The following PPP1R9A variants were observed in gnomAD, a reference collection of about 807,000 sequenced individuals.
The protein encoded by PPP1R9A is neurabin-1.
In PPP1R9A, 59 loss-of-function variants were observed where a neutral mutation model predicts 141.9. That is an observed-to-expected ratio of 0.42 (90% CI 0.34 to 0.52). PPP1R9A has a LOEUF of 0.52. Among genes scored for constraint, PPP1R9A ranks in the 20% least tolerant of loss-of-function variants. PPP1R9A has a pLI of 0.10. For synonymous variants in PPP1R9A, 500 were observed against 569.7 expected, an observed-to-expected ratio of 0.88 and a Z score of 1.74; for missense variants, 1,444 against 1,611.9, an observed-to-expected ratio of 0.90 and a Z score of 1.78.
intron 2 of PPP1R9A, among the ~76,000 whole-genome samples, chr7:95,044,668 C>G (rs1398641980): frequency 2.0e-5 from 3 of 148,022 alleles, no homozygotes; most frequent in African/African-American, 7.4e-5. Flanking sequence ...ACTCTGCCTC[C>G]CAAAGTGTTG....
Position 95,295,663 on chromosome 7 carries a change from C to G in PPP1R9A, c.*5360C>G, listed in dbSNP as rs940657140. ...AGTGTATGTTGTTGGAAGGTGTACA[C>G]TTCTGTTTCTTTCAGCTGTATTATT... On this transcript the variant is annotated 3_prime_UTR_variant, in exon 20 of 20. Coordinates refer to ENST00000433360, the MANE Select transcript of PPP1R9A (RefSeq NM_001166160.2). The G allele has an allele frequency of 2.0e-5, 3 of 152,224 alleles. No homozygotes were observed. The highest frequency in any genetic ancestry group is 7.2e-5 in the African/African-American group (3 of 41,464). The allele number at this position is 152,224 out of a possible 1,614,324, so 9.4% of individuals were successfully genotyped here.
At chr7:94,919,300 CATTTTTTT>C in intron 2 of PPP1R9A, among the ~76,000 whole-genome samples, 1 of 120,184 alleles carries the variant, frequency 8.3e-6, no homozygotes, top group Admixed American at 8.8e-5. Flanking sequence ...TGGATAATTA[CATTTTTTT>C]TTTTTTTTTT....
At chr7:94,980,691 C>T (rs1224413923) in intron 2 of PPP1R9A, among the ~76,000 whole-genome samples, 1 of 151,182 alleles carries the variant, frequency 6.6e-6, no homozygotes, top group Non-Finnish European at 1.5e-5. Context: ...TTTGAAAAAT[C>T]CTGGCCTACC....
chr7:95,196,111 A>G (rs1395464117), intron 5 of PPP1R9A, among the ~76,000 whole-genome samples: 1 of 151,996 alleles, frequency 6.6e-6, no homozygotes, highest in Non-Finnish European at 1.5e-5. Flanking sequence ...TTTTGTCTAT[A>G]AAGAACAATT....
At chr7:94,964,377 A>G (rs1008476029) in intron 2 of PPP1R9A, among the ~76,000 whole-genome samples, 1 of 152,136 alleles carries the variant, frequency 6.6e-6, no homozygotes, top group African/African-American at 2.4e-5. Flanking sequence ...TCTGGGATAC[A>G]TGTGCAGAAT....
rs1835138199 is a variant in PPP1R9A, at chr7:95,189,432, TC to T, written c.1755-8916del. Among the ~76,000 whole-genome samples, 4 of 145,610 alleles carry T rather than the reference TC, an allele frequency of 2.7e-5. No homozygotes were observed. In the South Asian group the frequency reaches 8.5e-4, roughly 31 times the overall value. On this transcript the variant is annotated intron_variant, in intron 5 of 19. Transcript: ENST00000433360. ...TAAATTTTTTGGAGGGTTTGTTTAT[TC>T]TTTTTTTTTTTTTTTTTTTTTGAGA...
chr7:94,949,149 T>C (rs1299290996), intron 2 of PPP1R9A, among the ~76,000 whole-genome samples: 2 of 152,170 alleles, frequency 1.3e-5, no homozygotes, highest in Admixed American at 6.6e-5. Context: ...TTTTGATTAG[T>C]CTAAGCAGAG....
At chr7:95,108,311 T>C (rs1294437840) in intron 2 of PPP1R9A, among the ~76,000 whole-genome samples, 2 of 118,694 alleles carry the variant, frequency 1.7e-5, no homozygotes, top group African/African-American at 3.3e-5. Flanking sequence ...TCTTTTCTTT[T>C]TTTTTTTTTT....
chr7:94,910,714 A>G lies in PPP1R9A; in HGVS notation c.601A>G (p.Thr201Ala), dbSNP rs764925314. 1.1e-5 allele frequency: 17 copies of G among 1,614,016 alleles called. No individual in the cohort carries two copies. The highest frequency in any genetic ancestry group is 8.9e-5 in the East Asian group (4 of 44,892). ...CTCCCGAACTGAGGCTGTCTCCCCA[A>G]CTGTGAGTCAACTGAGTGCAGTATT... ...LSSRTEAVSP[T>A]VSQLSAVFEN... The change falls in exon 2 of 20, where the codon ACT (threonine) becomes GCT (alanine). Residue 201 changes from threonine to alanine, a missense_variant. Around this residue, in one of 5 missense-constraint regions of PPP1R9A, gnomAD observed 490 missense variants for 521.1 expected, o/e 0.94. Coordinates refer to ENST00000433360, the MANE Select transcript of PPP1R9A (RefSeq NM_001166160.2). The surrounding 1 kb of genome is among the most constrained non-coding windows in gnomAD (Gnocchi z 4.5).
intron 6 of PPP1R9A, chr7:95,202,544 CTT>C: frequency 1.2e-6 from 1 of 801,326 alleles, no homozygotes; most frequent in Non-Finnish European, 1.5e-6. Context: ...CTTTCTTTCT[CTT>C]TTCTTTTTTT....
intron 2 of PPP1R9A, among the ~76,000 whole-genome samples, chr7:94,989,604 A>T (rs902073619): frequency 2.0e-5 from 3 of 151,604 alleles, no homozygotes; most frequent in Admixed American, 6.6e-5. Context: ...TCTTGAGTGC[A>T]CTGTCATCTT....
At position 94,923,265 on chromosome 7, in the gene PPP1R9A, A is replaced by G. The variant is rs146985056; in HGVS notation, c.1395+11757A>G. On this transcript the variant is annotated intron_variant, in intron 2 of 19. Coordinates refer to ENST00000433360, the MANE Select transcript of PPP1R9A (RefSeq NM_001166160.2). ...GATATTCTAATGTGTTACTTAAAAT[A>G]TGCTTTCAAACACTGGGTATAATGA... is the stretch of plus-strand genomic sequence containing the variant. Among the ~76,000 whole-genome samples, 35 of 152,368 alleles carry G rather than the reference A, an allele frequency of 2.3e-4. No individual in the cohort carries two copies. The East Asian group carries it at 5.8e-3, about 25-fold the overall frequency.
intron 2 of PPP1R9A, among the ~76,000 whole-genome samples, chr7:94,991,533 A>G (rs1314677519): frequency 6.6e-6 from 1 of 151,848 alleles, no homozygotes; most frequent in African/African-American, 2.4e-5. Context: ...TTAGTTTAAT[A>G]TAGTCCCATT....
At chr7:95,221,477 A>C (rs1318716893) in intron 7 of PPP1R9A, among the ~76,000 whole-genome samples, 1 of 152,052 alleles carries the variant, frequency 6.6e-6, no homozygotes, top group African/African-American at 2.4e-5. Flanking sequence ...TATAGCTCTC[A>C]TGAGTGTCCC....
intron 2 of PPP1R9A, among the ~76,000 whole-genome samples, chr7:94,952,483 G>C (rs976089231): frequency 2.0e-5 from 3 of 152,150 alleles, no homozygotes; most frequent in African/African-American, 7.2e-5. Context: ...TAATGAGATT[G>C]CTGAGTCAAA....
At chr7:95,275,470 T>A (rs1802996581) in intron 16 of PPP1R9A, among the ~76,000 whole-genome samples, 1 of 152,048 alleles carries the variant, frequency 6.6e-6, no homozygotes, top group Admixed American at 6.6e-5. Flanking sequence ...TGAAGAACTT[T>A]ACCTTCATAG....
At chr7:95,144,506 C>T (rs576806204) in intron 4 of PPP1R9A, among the ~76,000 whole-genome samples, 18 of 152,026 alleles carry the variant, frequency 1.2e-4, no homozygotes, top group Non-Finnish European at 2.4e-4. Flanking sequence ...TGGATATATT[C>T]CCAGAAGTAG....
At chr7:95,217,030 A>C (rs1226810098) in intron 7 of PPP1R9A, among the ~76,000 whole-genome samples, 1 of 152,168 alleles carries the variant, frequency 6.6e-6, no homozygotes, top group Admixed American at 6.6e-5. Context: ...GAGAGAGGGC[A>C]TCCCTGTCTT....
intron 7 of PPP1R9A, among the ~76,000 whole-genome samples, chr7:95,220,493 T>A (rs543138655): frequency 6.6e-6 from 1 of 152,026 alleles, no homozygotes; most frequent in African/African-American, 2.4e-5. Flanking sequence ...CCCAGAAGGG[T>A]CATTTAGGCC....
Sources: allele counts gnomAD v4.1 joint callset (sites outside exome capture counted in the v4.1 genomes callset), GRCh38; gene constraint gnomAD v4.1.1; regional missense constraint gnomAD v4.1.1; non-coding constraint Gnocchi (gnomAD v3.1); transcripts MANE v1.5; gene names NCBI Gene and HGNC (gene_info 2026-07-23, HGNC 2026-07-21).